The following SHLD2 variants were observed in gnomAD, a reference collection of about 807,000 sequenced individuals.
SHLD2 encodes RINN1-REV7-interacting novel NHEJ regulator 2.
A neutral mutation model predicts 73.2 loss-of-function variants in SHLD2; 30 were observed. That is an observed-to-expected ratio of 0.41 (90% CI 0.31 to 0.56). The LOEUF (loss-of-function observed/expected upper bound fraction) is 0.56. Ranked by LOEUF, SHLD2 falls within the 20% of genes least tolerant of loss-of-function variation. The pLI, the probability that SHLD2 is intolerant of heterozygous loss-of-function variation, is 0.28. For missense variants in SHLD2, 745 were observed against 1,055.9 expected, an observed-to-expected ratio of 0.71 and a Z score of 4.08; for synonymous variants, 285 against 370.1, an observed-to-expected ratio of 0.77 and a Z score of 2.64.
intron 2 of SHLD2, among the ~76,000 whole-genome samples, chr10:87,108,130 A>G (rs1322287730): frequency 1.3e-5 from 2 of 151,958 alleles, no homozygotes; most frequent in Non-Finnish European, 2.9e-5. Context: ...GCTCACTGCA[A>G]CCTTCACCTC....
chr10:87,099,961 G>A (rs1184907696), intron 2 of SHLD2, among the ~76,000 whole-genome samples: 2 of 151,980 alleles, frequency 1.3e-5, no homozygotes, highest in South Asian at 4.2e-4. Flanking sequence ...AAGTCAGGTT[G>A]TCTTTTATTA....
intron 3 of SHLD2, among the ~76,000 whole-genome samples, chr10:87,155,941 G>C (rs2134368123): frequency 6.6e-6 from 1 of 150,690 alleles, no homozygotes; most frequent in South Asian, 2.1e-4. Context: ...GTGTGGAACA[G>C]ATGGAAATGT....
At chr10:87,095,751 A>G (rs1480635853) in intron 1 of SHLD2, among the ~76,000 whole-genome samples, 2 of 152,180 alleles carry the variant, frequency 1.3e-5, no homozygotes, top group East Asian at 3.9e-4. Context: ...GCCCCACAGT[A>G]CTGACTGCTT....
intron 2 of SHLD2, among the ~76,000 whole-genome samples, chr10:87,132,130 A>G (rs1401844287): frequency 1.3e-5 from 2 of 152,106 alleles, no homozygotes; most frequent in African/African-American, 4.8e-5. Context: ...TCAAATTTAG[A>G]TACATGATTT....
At chr10:87,095,571 C>T (rs1841787555) in intron 1 of SHLD2, among the ~76,000 whole-genome samples, 3 of 152,356 alleles carry the variant, frequency 2.0e-5, no homozygotes, top group South Asian at 4.1e-4. Context: ...TCGGCGTCAC[C>T]AGCCAGGGCT....
chr10:87,129,915 T>C (rs1844308253), intron 2 of SHLD2, among the ~76,000 whole-genome samples: 1 of 152,224 alleles, frequency 6.6e-6, no homozygotes, highest in South Asian at 2.1e-4. Context: ...ATCTTCTGTA[T>C]TCTTTCCATG....
intron 1 of SHLD2, 101 bp from the exon 2 acceptor site, chr10:87,096,833 C>G (rs1469111969): frequency 1.3e-5 from 2 of 152,188 alleles, no homozygotes; most frequent in East Asian, 3.8e-4. Context: ...TAAGTGTACT[C>G]TCAAAGTCAA....
chr10:87,174,656 A>G (rs1333130573), intron 6 of SHLD2, among the ~76,000 whole-genome samples: 1 of 152,144 alleles, frequency 6.6e-6, no homozygotes, highest in Non-Finnish European at 1.5e-5. Flanking sequence ...GTGAGAAACT[A>G]AAAAGACAGC....
In SHLD2 at chr10:87,152,618, GAATTT is replaced by G. The variant is rs1179392864; in HGVS notation, c.1267_1271del (p.Phe423GlufsTer3). 1 of 1,608,590 alleles carries G rather than the reference GAATTT, an allele frequency of 6.2e-7. No individual in the cohort carries two copies. Among genetic ancestry groups the G allele is most frequent in the African/African-American group, 1.3e-5 (1 of 74,498 alleles). ...AGAAATGGATCGGAGAAATGTGTCT[GAATTT>G]AAGAGTATTAAAAAAACATCATTAA... On this transcript the variant is annotated frameshift_variant, in exon 3 of 10. Coordinates refer to ENST00000298786, the MANE Select transcript of SHLD2 (RefSeq NM_001330112.2). LOFTEE classifies it high-confidence loss of function.
intron 2 of SHLD2, among the ~76,000 whole-genome samples, chr10:87,146,820 G>A (rs1358677159): frequency 6.6e-6 from 1 of 151,710 alleles, no homozygotes; most frequent in African/African-American, 2.4e-5. Flanking sequence ...ACTTTGGGAG[G>A]CCGAAGCAGG....
intron 2 of SHLD2, among the ~76,000 whole-genome samples, chr10:87,099,006 G>A (rs1022948299): frequency 2.0e-5 from 3 of 152,114 alleles, no homozygotes; most frequent in African/African-American, 4.8e-5. Flanking sequence ...GAACTCCTGG[G>A]CTCAAGCGAT....
At chr10:87,141,795 C>T (rs1758529597) in intron 2 of SHLD2, among the ~76,000 whole-genome samples, 1 of 152,104 alleles carries the variant, frequency 6.6e-6, no homozygotes, top group Admixed American at 6.6e-5. Flanking sequence ...CTTTGTGAGT[C>T]TGAGGTGGGT....
chr10:87,094,621 CGGGCGGCCAATGCCAGCCCCGGCTGCG>C, upstream of SHLD2: 1 of 1,610,034 alleles, frequency 6.2e-7, no homozygotes, highest in Non-Finnish European at 8.5e-7. This position sits in a 1 kb window ranked among gnomAD's most constrained non-coding sequence, Gnocchi z 6.6. Flanking sequence ...GTAGTGGCGC[CGGGCGGCCAATGCCAGCCCCGGCTGCG>C]GGGCGGCGGC....
intron 2 of SHLD2, among the ~76,000 whole-genome samples, chr10:87,149,011 C>T (rs1452106711): frequency 1.3e-5 from 2 of 151,586 alleles, no homozygotes. Context: ...CCTCAGCCTC[C>T]CTAGTAGCTG....
At chr10:87,182,403 G>A (rs1460276832) in intron 8 of SHLD2, among the ~76,000 whole-genome samples, 1 of 152,168 alleles carries the variant, frequency 6.6e-6, no homozygotes, top group Non-Finnish European at 1.5e-5. Flanking sequence ...CCCAGACTAT[G>A]AGTGGGTTGA....
intron 3 of SHLD2, chr10:87,153,940 A>G (rs1432204849): frequency 3.9e-5 from 6 of 152,172 alleles, no homozygotes; most frequent in South Asian, 2.1e-4. Flanking sequence ...GAGTCTTGCT[A>G]TGTTGCCAAG....
At chr10:87,180,477 T>C (rs930702801) in intron 8 of SHLD2, among the ~76,000 whole-genome samples, 174 bp downstream of exon 8, 11 of 152,216 alleles carry the variant, frequency 7.2e-5, no homozygotes, top group African/African-American at 2.7e-4. Flanking sequence ...GGAATCGTTA[T>C]AGGAATTTCT....
chr10:87,139,288 A>G (rs1279922819), intron 2 of SHLD2, among the ~76,000 whole-genome samples: 1 of 152,170 alleles, frequency 6.6e-6, no homozygotes, highest in Non-Finnish European at 1.5e-5. Context: ...TGAAAGGACC[A>G]GGCTGATTCT....
At chr10:87,096,335 G>T (rs1841884407) in intron 1 of SHLD2, among the ~76,000 whole-genome samples, 2 of 152,066 alleles carry the variant, frequency 1.3e-5, no homozygotes, top group Admixed American at 6.6e-5. Context: ...GTGAGCCACC[G>T]CGCCTGGCCT....
Sources: gnomAD v4.1 joint callset for allele counts (sites outside exome capture counted in the v4.1 genomes callset) on GRCh38, gnomAD v4.1.1 for gene constraint, Gnocchi (gnomAD v3.1) non-coding constraint, MANE v1.5 for transcripts, NCBI Gene and HGNC (gene_info 2026-07-23, HGNC 2026-07-21) for gene names.